Variants in COL22A1 observed in about 807,000 individuals in gnomAD.
COL22A1 encodes the protein collagen alpha-1(XXII) chain.
COL22A1 carries 221 observed loss-of-function variants against 248.9 expected under a neutral mutation model. That is an observed-to-expected ratio of 0.89 (90% confidence interval 0.80 to 0.99). The LOEUF is 0.99. COL22A1 is among the 50% of genes least tolerant of loss of function. The probability of loss-of-function intolerance (pLI) is 0.00; values close to 1 mark genes in which losing one functional copy is unlikely to be tolerated. For missense variants in COL22A1, 2,240 were observed against 2,179.0 expected (o/e 1.03, Z -0.56); for synonymous variants, 891 against 793.4 (o/e 1.12, Z -2.07).
intron 1 of COL22A1, among the ~76,000 whole-genome samples, chr8:138,905,724 T>C (rs1042281668): frequency 1.3e-5 from 2 of 152,146 alleles, no homozygotes; most frequent in Non-Finnish European, 2.9e-5. Flanking sequence ...GACAAGACAG[T>C]TTCGTTCATG....
At chr8:138,791,868 G>A (rs1816077859) in intron 12 of COL22A1, among the ~76,000 whole-genome samples, 1 of 151,982 alleles carries the variant, frequency 6.6e-6, no homozygotes, top group Non-Finnish European at 1.5e-5. Flanking sequence ...GAGTCAACGA[G>A]CCCAGTAAAA....
chr8:138,622,841 C>G (rs1283305704), intron 52 of COL22A1, among the ~76,000 whole-genome samples: 1 of 152,090 alleles, frequency 6.6e-6, no homozygotes, highest in Non-Finnish European at 1.5e-5. Context: ...GGGTGGACAG[C>G]TCATCATTTA....
chr8:138,857,381 C>T (rs1191336982), intron 3 of COL22A1, among the ~76,000 whole-genome samples: 3 of 152,242 alleles, frequency 2.0e-5, no homozygotes, highest in East Asian at 1.9e-4. Context: ...CACATGACCA[C>T]ACCCTTCCAT....
At chr8:138,615,649 G>T (rs1819256133) in intron 55 of COL22A1, among the ~76,000 whole-genome samples, 1 of 152,094 alleles carries the variant, frequency 6.6e-6, no homozygotes, top group Non-Finnish European at 1.5e-5. Flanking sequence ...GCGGTGAGGG[G>T]TGTGTGGTTT....
At chr8:138,644,085 A>G (rs923908507) in intron 47 of COL22A1, among the ~76,000 whole-genome samples, 2 of 152,156 alleles carry the variant, frequency 1.3e-5, no homozygotes, top group African/African-American at 2.4e-5. Context: ...CCTGACCCCT[A>G]TGCAATATTT....
rs149642963 is a variant in COL22A1, at chr8:138,722,133, T to A, written c.2248-44A>T. ...ACATAAATAAAAAGGAAAGGCATATTTAGGAAAGGCTTACATTAAGTTGTT... is the reference window on the plus strand; with the variant it reads ...ACATAAATAAAAAGGAAAGGCATATATAGGAAAGGCTTACATTAAGTTGTT... On this transcript the variant is annotated intron_variant, in intron 25 of 64. Transcript: ENST00000303045. The A allele has an allele frequency of 5.3e-3, 8,043 of 1,505,982 alleles. 26 individuals carry two copies. Among genetic ancestry groups the A allele is most frequent in the Non-Finnish European group, 6.6e-3 (7,276 of 1,109,938 alleles). 93.3% of individuals were successfully genotyped at this position (1,505,982 alleles called of 1,614,324 possible). A position where few individuals can be genotyped will look rare whatever the true frequency, so the allele number is the denominator to read the frequency against.
intron 3 of COL22A1, among the ~76,000 whole-genome samples, chr8:138,848,941 C>A (rs1435333707): frequency 6.6e-6 from 1 of 152,188 alleles, no homozygotes; most frequent in East Asian, 1.9e-4. Flanking sequence ...GCTCATCCAT[C>A]ACCTCGCAGC....
At chr8:138,695,238 G>A (rs1284714711) in intron 32 of COL22A1, among the ~76,000 whole-genome samples, 1 of 152,182 alleles carries the variant, frequency 6.6e-6, no homozygotes, top group Non-Finnish European at 1.5e-5. Flanking sequence ...CCAGCTCAGA[G>A]CCTGGCACAT....
chr8:138,876,893 G>A (rs1260449722), intron 3 of COL22A1, among the ~76,000 whole-genome samples: 1 of 152,254 alleles, frequency 6.6e-6, no homozygotes, highest in East Asian at 1.9e-4. Context: ...CCCGGGCCTG[G>A]AGGAGAAGAT....
chr8:138,785,616 G>A (rs534888420), intron 12 of COL22A1, among the ~76,000 whole-genome samples: 78 of 152,276 alleles, frequency 5.1e-4, no homozygotes, highest in African/African-American at 1.1e-3. Context: ...GCAGCTGAAC[G>A]CAGAGGCAGG....
At chr8:138,822,033 T>TTTTTGTTTTGTTTTG (rs71316364) in intron 6 of COL22A1, among the ~76,000 whole-genome samples, 1 of 150,168 alleles carries the variant, frequency 6.7e-6, no homozygotes, top group South Asian at 2.1e-4. Flanking sequence ...TACTTCCGAT[T>TTTTTGTTTTGTTTTG]TTTTGTTTTG....
intron 21 of COL22A1, 58 bp from the exon 22 acceptor site, chr8:138,751,569 A>G: frequency 1.6e-6 from 2 of 1,230,784 alleles, no homozygotes; most frequent in Non-Finnish European, 2.4e-6. Flanking sequence ...TGCAGGGCTC[A>G]ATGGCATAGC....
intron 34 of COL22A1, 87 bp from the exon 35 acceptor site, chr8:138,693,786 T>G: frequency 7.2e-7 from 1 of 1,385,708 alleles, no homozygotes; most frequent in Non-Finnish European, 1.0e-6. Flanking sequence ...GGGAATACCG[T>G]GCTCATCAGA....
At chr8:138,598,262 C>T (rs1397942889) in intron 61 of COL22A1, among the ~76,000 whole-genome samples, 1 of 152,176 alleles carries the variant, frequency 6.6e-6, no homozygotes, top group East Asian at 1.9e-4. Context: ...CGAAGGAGTA[C>T]TCTAGGTCGG....
At chr8:138,897,365 G>A (rs1431791303) in intron 1 of COL22A1, among the ~76,000 whole-genome samples, 1 of 151,944 alleles carries the variant, frequency 6.6e-6, no homozygotes, top group South Asian at 2.1e-4. Flanking sequence ...GGCCAACATG[G>A]TGAAACCCCG....
chr8:138,846,563 T>C (rs796372126), intron 3 of COL22A1, among the ~76,000 whole-genome samples: 4 of 152,166 alleles, frequency 2.6e-5, no homozygotes, highest in African/African-American at 9.6e-5. Flanking sequence ...TATAGTTGAG[T>C]TGGTTAAGTC....
chr8:138,601,527 G>A (rs910915118), intron 60 of COL22A1, among the ~76,000 whole-genome samples: 2 of 152,272 alleles, frequency 1.3e-5, no homozygotes, highest in East Asian at 1.9e-4. Context: ...CAAACGAGAC[G>A]CATAAAGCCT....
intron 1 of COL22A1, among the ~76,000 whole-genome samples, chr8:138,899,476 C>T (rs1332320031): frequency 6.6e-6 from 1 of 152,132 alleles, no homozygotes; most frequent in Non-Finnish European, 1.5e-5. Flanking sequence ...TATTATGCTG[C>T]TTCATATTTT....
At chr8:138,754,161 C>T (rs925737036) in intron 21 of COL22A1, among the ~76,000 whole-genome samples, 3 of 152,304 alleles carry the variant, frequency 2.0e-5, no homozygotes, top group East Asian at 3.9e-4. Flanking sequence ...ACCTTCAATA[C>T]TTGCCAATAA....
Sources: gnomAD v4.1 joint callset for allele counts (sites outside exome capture counted in the v4.1 genomes callset) on GRCh38, gnomAD v4.1.1 for gene constraint, MANE v1.5 for transcripts, NCBI Gene and HGNC (gene_info 2026-07-23, HGNC 2026-07-21) for gene names.